TRIM29: variants seen among roughly 807,000 people sequenced by gnomAD.
TRIM29 encodes tripartite motif-containing protein 29.
A neutral mutation model predicts 57.3 loss-of-function variants in TRIM29; 52 were observed. The observed-to-expected ratio is 0.91, with a 90% CI of 0.73 to 1.14. TRIM29 has a LOEUF of 1.14. TRIM29 is among the 50% of genes most tolerant of loss of function. The pLI, the probability that TRIM29 is intolerant of heterozygous loss-of-function variation, is 0.00. For missense variants in TRIM29, 753 were observed against 774.6 expected (o/e 0.97, Z 0.33); for synonymous variants, 319 against 316.9 (o/e 1.01, Z -0.07).
intron 3 of TRIM29, among the ~76,000 whole-genome samples, chr11:120,127,094 G>T (rs1031743831): frequency 2.7e-4 from 41 of 152,194 alleles, no homozygotes; most frequent in African/African-American, 9.9e-4. Context: ...TTGGTAAAAG[G>T]TGATATTTGT....
At chr11:120,130,912 C>T (rs1485908536) in intron 1 of TRIM29, among the ~76,000 whole-genome samples, 1 of 152,086 alleles carries the variant, frequency 6.6e-6, no homozygotes, top group Non-Finnish European at 1.5e-5. Context: ...AGATTGGGAT[C>T]CAGATGAAGT....
chr11:120,122,008 A>T (rs1238964401), intron 5 of TRIM29: 1 of 451,888 alleles, frequency 2.2e-6, no homozygotes, highest in Non-Finnish European at 4.5e-6. Context: ...GGAATGTCAG[A>T]GGAGGGAAAG....
In TRIM29 at chr11:120,112,312, A is replaced by C; in HGVS notation, c.*102T>G. ...GGCTGCAGAGGGCAGGTGCAGGACCAGGCTCCCTCCCACCCAGACAAGCAC... is the reference window on the plus strand; with the variant it reads ...GGCTGCAGAGGGCAGGTGCAGGACCCGGCTCCCTCCCACCCAGACAAGCAC... On this transcript the variant is annotated 3_prime_UTR_variant, in exon 9 of 9. Coordinates refer to ENST00000341846, the MANE Select transcript of TRIM29 (RefSeq NM_012101.4). 1 of 1,444,078 alleles carries C rather than the reference A, an allele frequency of 6.9e-7. No individual in the cohort carries two copies. The highest frequency in any genetic ancestry group is 9.6e-7 in the Non-Finnish European group (1 of 1,041,072). 89.5% of individuals were successfully genotyped at this position (1,444,078 alleles called of 1,614,324 possible).
intron 2 of TRIM29, 66 bp downstream of exon 2, chr11:120,128,334 C>T (rs1863642263): frequency 6.9e-7 from 1 of 1,454,096 alleles, no homozygotes; most frequent in Non-Finnish European, 9.5e-7. Flanking sequence ...GGAGCCAAGG[C>T]CTGCGTCTTT....
rs1389290066 is a variant in TRIM29, at chr11:120,115,824, C to T, written c.1628-410G>A. 3.3e-5 allele frequency: 7 copies of T among 213,952 alleles called. No individual in the cohort carries two copies. In the East Asian group the frequency reaches 1.0e-3, roughly 32 times the overall value. 13.3% of individuals were successfully genotyped at this position (213,952 alleles called of 1,614,324 possible). On this transcript the variant is annotated intron_variant, in intron 7 of 8. Coordinates refer to ENST00000341846, the MANE Select transcript of TRIM29 (RefSeq NM_012101.4). Reference sequence around the variant, plus strand: ...CCTGCCAGAGTTTCCCGGCAGGAGGCGCTCACTTGGACTCCCCTGTGCTGT... The same window carrying T: ...CCTGCCAGAGTTTCCCGGCAGGAGGTGCTCACTTGGACTCCCCTGTGCTGT...
chr11:120,125,135 C>G (rs1863553222), intron 4 of TRIM29: 1 of 154,280 alleles, frequency 6.5e-6, no homozygotes, highest in African/African-American at 2.4e-5. Flanking sequence ...GAGCTGACTT[C>G]AAGGGAGCTG....
chr11:120,120,682 G>A lies in TRIM29; in HGVS notation c.1436-17C>T. 1 of 1,612,616 alleles carries A rather than the reference G, an allele frequency of 6.2e-7. No individual in the cohort carries two copies. The highest frequency in any genetic ancestry group is 8.5e-7 in the Non-Finnish European group (1 of 1,179,362). The stretch of plus-strand genomic sequence containing the variant: ...GGACCCCACCTGTGAAGCAGATGAA[G>A]GGGGCTGTCATTGCAGAAAATTGTC... On this transcript the variant is annotated splice_polypyrimidine_tract_variant and intron_variant, in intron 5 of 8. Coordinates refer to ENST00000341846, the MANE Select transcript of TRIM29 (RefSeq NM_012101.4).
intron 7 of TRIM29, chr11:120,117,133 G>A (rs1317746855): frequency 3.3e-6 from 1 of 300,578 alleles, no homozygotes; most frequent in East Asian, 1.1e-4. Flanking sequence ...CCTCATTCTG[G>A]GGGCTGCTCT....
chr11:120,120,471 A>T (rs1341135063), intron 6 of TRIM29, 102 bp downstream of exon 6: 1 of 1,060,376 alleles, frequency 9.4e-7, no homozygotes, highest in Non-Finnish European at 1.4e-6. Flanking sequence ...TTCATCTCAC[A>T]CTGGGGTCCC....
Position 120,123,061 on chromosome 11 carries a change from A to G in TRIM29, c.1334-6T>C. ...CACATAGCGATGGTCACCACCTAGG[A>G]AGCAGAGGGTCGGGTCAGCAGAGGA... On this transcript the variant is annotated splice_region_variant and splice_polypyrimidine_tract_variant and intron_variant, in intron 4 of 8. Transcript: ENST00000341846. The G allele has an allele frequency of 6.2e-7, 1 of 1,613,948 alleles. No individual in the cohort carries two copies. The highest frequency in any genetic ancestry group is 2.2e-5 in the East Asian group (1 of 44,868).
intron 1 of TRIM29, among the ~76,000 whole-genome samples, chr11:120,135,153 G>T (rs986422753): frequency 6.6e-6 from 1 of 152,160 alleles, no homozygotes; most frequent in Non-Finnish European, 1.5e-5. Flanking sequence ...TCTTCCAGGG[G>T]TGCCCAGGCT....
intron 5 of TRIM29, chr11:120,120,870 C>T: frequency 4.5e-6 from 3 of 665,658 alleles, no homozygotes; most frequent in Non-Finnish European, 8.3e-6. Flanking sequence ...AGTAACCGTG[C>T]AGAGAGCATC....
intron 7 of TRIM29, chr11:120,116,969 T>C (rs1327475022): frequency 2.4e-6 from 1 of 419,032 alleles, no homozygotes; most frequent in South Asian, 1.7e-5. Flanking sequence ...CGGGATTATT[T>C]TTAGACAGCC....
intron 8 of TRIM29, among the ~76,000 whole-genome samples, chr11:120,114,994 G>A (rs1227910811): frequency 5.9e-5 from 9 of 152,266 alleles, no homozygotes; most frequent in East Asian, 1.9e-4. Flanking sequence ...CCTCCCACTG[G>A]GCTGTTTTAC....
intron 1 of TRIM29, among the ~76,000 whole-genome samples, chr11:120,136,668 C>T (rs1419239180): frequency 6.6e-6 from 1 of 152,070 alleles, no homozygotes; most frequent in Non-Finnish European, 1.5e-5. Flanking sequence ...ACTACAAAGA[C>T]AGCAAGAAGG....
At position 120,138,094 on chromosome 11, in the gene TRIM29, C is replaced by A; in HGVS notation, c.-63G>T. 1.4e-6 allele frequency: 2 copies of A among 1,480,300 alleles called. No homozygotes were observed. Among genetic ancestry groups the A allele is most frequent in the Non-Finnish European group, 1.8e-6 (2 of 1,119,470 alleles). 91.7% of individuals were successfully genotyped at this position (1,480,300 alleles called of 1,614,324 possible). The stretch of plus-strand genomic sequence containing the variant: ...GGTTCAGGATAGGTGACCTTTCTGG[C>A]AGGCGTCTCGGCAGGGAGTGGGGCA... On this transcript the variant is annotated 5_prime_UTR_variant, in exon 1 of 9. Coordinates refer to ENST00000341846, the MANE Select transcript of TRIM29 (RefSeq NM_012101.4).
intron 1 of TRIM29, among the ~76,000 whole-genome samples, chr11:120,134,885 G>A (rs921045597): frequency 2.0e-5 from 3 of 152,150 alleles, no homozygotes; most frequent in African/African-American, 7.2e-5. Context: ...TGAGGGGGTG[G>A]CTAATACTCT....
chr11:120,133,805 C>T (rs1174479115), intron 1 of TRIM29, among the ~76,000 whole-genome samples: 1 of 152,224 alleles, frequency 6.6e-6, no homozygotes. Context: ...GGTGAGAGAA[C>T]TGAACTGAAC....
At position 120,137,579 on chromosome 11, in the gene TRIM29, G is replaced by C; in HGVS notation, c.453C>G (p.Asn151Lys). The change falls in exon 1 of 9, where the codon AAC (asparagine) becomes AAG (lysine). Residue 151 changes from asparagine to lysine, a missense_variant. Asn to Lys is a moderately conservative substitution (Grantham distance 94, BLOSUM62 0). Coordinates refer to ENST00000341846, the MANE Select transcript of TRIM29 (RefSeq NM_012101.4). The surrounding 1 kb of genome is among the most constrained non-coding windows in gnomAD (Gnocchi z 6.2). ...SIMEPGETRRNSYPRADTGLF... is the reference protein window; with the variant it reads ...SIMEPGETRRKSYPRADTGLF... The stretch of plus-strand genomic sequence containing the variant: ...GGCCCGTGTCGGCCCGGGGGTAGCT[G>C]TTCCGCCGGGTCTCCCCGGGCTCCA... 6.2e-7 allele frequency: 1 copy of C among 1,612,760 alleles called. No individual in the cohort carries two copies. Among genetic ancestry groups the C allele is most frequent in the Non-Finnish European group, 8.5e-7 (1 of 1,180,014 alleles).
Sources: allele counts gnomAD v4.1 joint callset (sites outside exome capture counted in the v4.1 genomes callset), GRCh38; gene constraint gnomAD v4.1.1; non-coding constraint Gnocchi (gnomAD v3.1); transcripts MANE v1.5; gene names NCBI Gene and HGNC (gene_info 2026-07-23, HGNC 2026-07-21).